LRRTM4: variants seen among roughly 807,000 people sequenced by gnomAD.
The protein encoded by LRRTM4 is leucine rich repeat transmembrane neuronal 4, also known as leucine-rich repeat transmembrane neuronal protein 4.
Under a neutral mutation model 47.6 loss-of-function variants are expected in LRRTM4, and 25 were observed. The ratio of observed to expected loss-of-function variants is 0.53; its 90% CI spans 0.38 to 0.73. LRRTM4 has a LOEUF of 0.73. LRRTM4 is among the 30% of genes least tolerant of loss of function. LRRTM4 has a pLI of 0.00. For synonymous variants in LRRTM4, 311 were observed against 269.5 expected, an observed-to-expected ratio of 1.15 and a Z score of -1.51; for missense variants, 638 against 713.4, an observed-to-expected ratio of 0.89 and a Z score of 1.20.
chr2:77,004,292 A>G (rs1677550029), intron 3 of LRRTM4, among the ~76,000 whole-genome samples: 2 of 152,212 alleles, frequency 1.3e-5, no homozygotes, highest in Non-Finnish European at 2.9e-5. Context: ...GGCTGGGTCC[A>G]GGGACCCCTG....
At chr2:76,973,218 C>T (rs78973785) in intron 3 of LRRTM4, among the ~76,000 whole-genome samples, 19,257 of 151,846 alleles carry the variant, frequency 0.13, 1,738 homozygotes, top group East Asian at 0.41. Flanking sequence ...TAGAATATGA[C>T]TTCTATGATA....
chr2:77,018,990 GA>G (rs1001755404), intron 3 of LRRTM4, among the ~76,000 whole-genome samples: 4 of 151,248 alleles, frequency 2.6e-5, no homozygotes, highest in African/African-American at 9.7e-5. Context: ...AGTTTCTAAA[GA>G]AAAAAAATGA....
At chr2:76,979,761 G>T (rs80124776) in intron 3 of LRRTM4, among the ~76,000 whole-genome samples, 5 of 147,706 alleles carry the variant, frequency 3.4e-5, no homozygotes, top group Admixed American at 1.3e-4. Flanking sequence ...ACTTGAAGAT[G>T]TGAGTATTTG....
chr2:77,047,703 C>T (rs551891501), intron 3 of LRRTM4, among the ~76,000 whole-genome samples: 6 of 152,080 alleles, frequency 3.9e-5, no homozygotes, highest in South Asian at 4.1e-4. Context: ...CATATTACAT[C>T]GGCAATGACT....
chr2:77,467,233 T>G (rs1677016141), intron 3 of LRRTM4, among the ~76,000 whole-genome samples: 3 of 152,230 alleles, frequency 2.0e-5, no homozygotes, highest in Admixed American at 1.3e-4. Context: ...TTGGGCCTGG[T>G]GATCAGCACA....
rs188959380 is a variant in LRRTM4 at position 77,195,468 on chromosome 2, A to T, written c.1551+322850T>A. On this transcript the variant is annotated intron_variant, in intron 3 of 3. Coordinates refer to ENST00000409884, the MANE Select transcript of LRRTM4 (RefSeq NM_001134745.3). Reference sequence around the variant, plus strand: ...TAAACTTTAACAAGTAGGAAAACTTATCACCTACTACAAAGAACTATCTTT... The same window carrying T: ...TAAACTTTAACAAGTAGGAAAACTTTTCACCTACTACAAAGAACTATCTTT... Among the ~76,000 whole-genome samples, 169 of 152,220 alleles carry T rather than the reference A, an allele frequency of 1.1e-3. 2 individuals are homozygous for T. The highest frequency in any genetic ancestry group is 3.2e-3 in the African/African-American group (135 of 41,582).
chr2:77,424,579 T>C (rs569384715), intron 3 of LRRTM4, among the ~76,000 whole-genome samples: 1 of 152,334 alleles, frequency 6.6e-6, no homozygotes, highest in East Asian at 1.9e-4. Flanking sequence ...ATTTTGCAAT[T>C]TGATGTCTTT....
At chr2:77,370,023 T>C (rs1466510522) in intron 3 of LRRTM4, among the ~76,000 whole-genome samples, 2 of 151,796 alleles carry the variant, frequency 1.3e-5, no homozygotes, top group African/African-American at 4.8e-5. Context: ...ATGCACAATA[T>C]GATTTATTTT....
At chr2:77,395,821 T>C (rs1382594736) in intron 3 of LRRTM4, among the ~76,000 whole-genome samples, 1 of 151,986 alleles carries the variant, frequency 6.6e-6, no homozygotes, top group African/African-American at 2.4e-5. Flanking sequence ...TCAGAATATT[T>C]TGATGCTTTC....
intron 3 of LRRTM4, among the ~76,000 whole-genome samples, chr2:77,006,582 A>G (rs1307824041): frequency 2.0e-5 from 3 of 152,198 alleles, no homozygotes; most frequent in Non-Finnish European, 2.9e-5. Context: ...AGGAAGATGT[A>G]TAAGTTGTTG....
rs190667855 is a variant in LRRTM4 at position 77,453,460 on chromosome 2, G to A, written c.1551+64858C>T. ...CTCCCAAAGTGCTGGGATTACAGGCGTGAGCTACAGTGCCCAGACTCTTCT... is the reference window on the plus strand; with the variant it reads ...CTCCCAAAGTGCTGGGATTACAGGCATGAGCTACAGTGCCCAGACTCTTCT... On this transcript the variant is annotated intron_variant, in intron 3 of 3. Coordinates refer to ENST00000409884, the MANE Select transcript of LRRTM4 (RefSeq NM_001134745.3). 2.2e-3 allele frequency among the ~76,000 whole-genome samples: 340 copies of A among 152,164 alleles called. 2 individuals carry two copies. Among genetic ancestry groups the A allele is most frequent in the African/African-American group, 6.3e-3 (260 of 41,534 alleles).
At chr2:77,223,503 C>A (rs1344540072) in intron 3 of LRRTM4, among the ~76,000 whole-genome samples, 3 of 152,130 alleles carry the variant, frequency 2.0e-5, no homozygotes, top group Non-Finnish European at 4.4e-5. Context: ...TAAGCAACTT[C>A]GGCAAAGTCT....
Position 76,926,265 on chromosome 2 carries a change from G to C in LRRTM4, c.1552-177349C>G, listed in dbSNP as rs9309505. Among the ~76,000 whole-genome samples, 644 of 152,070 alleles carry C rather than the reference G, an allele frequency of 4.2e-3. 1 individual carries two copies. The highest frequency in any genetic ancestry group is 0.015 in the African/African-American group (623 of 41,428). Reference sequence around the variant, plus strand: ...TTAAAACATTTACTTTTTAAACATAGAGAAAATAAGACTACAATAAATTGT... The same window carrying C: ...TTAAAACATTTACTTTTTAAACATACAGAAAATAAGACTACAATAAATTGT... On this transcript the variant is annotated intron_variant, in intron 3 of 3. Coordinates refer to ENST00000409884, the MANE Select transcript of LRRTM4 (RefSeq NM_001134745.3).
intron 3 of LRRTM4, among the ~76,000 whole-genome samples, chr2:76,794,139 T>C (rs1288709830): frequency 6.6e-6 from 1 of 151,680 alleles, no homozygotes; most frequent in Admixed American, 6.5e-5. Flanking sequence ...GAATGATTGA[T>C]GAGCAGTTCA....
At chr2:77,014,028 A>G (rs1677966654) in intron 3 of LRRTM4, among the ~76,000 whole-genome samples, 1 of 152,178 alleles carries the variant, frequency 6.6e-6, no homozygotes. Flanking sequence ...ACTAAAGTGA[A>G]TAAATTCTTC....
At chr2:77,297,046 G>A (rs1378869080) in intron 3 of LRRTM4, among the ~76,000 whole-genome samples, 1 of 152,052 alleles carries the variant, frequency 6.6e-6, no homozygotes, top group East Asian at 1.9e-4. Context: ...CCAGTATGCC[G>A]GCATTAGTAA....
At chr2:77,386,493 C>T (rs1673280040) in intron 3 of LRRTM4, among the ~76,000 whole-genome samples, 1 of 152,050 alleles carries the variant, frequency 6.6e-6, no homozygotes, top group Admixed American at 6.6e-5. Context: ...GTGTATGTGC[C>T]ACGTTTTCTT....
intron 3 of LRRTM4, among the ~76,000 whole-genome samples, chr2:76,878,676 C>T (rs776734596): frequency 2.0e-5 from 3 of 151,978 alleles, no homozygotes; most frequent in Admixed American, 6.6e-5. Context: ...CAAGATCAGC[C>T]GGACCAACAT....
In LRRTM4 at chr2:76,748,451, C is replaced by G. The variant is rs950340265; in HGVS notation, c.*244G>C. ...CACTCTTACTATTTACATCCGGGAGCATTTTTGTTTGTTTTATGTTTTAAA... is the reference window on the plus strand; with the variant it reads ...CACTCTTACTATTTACATCCGGGAGGATTTTTGTTTGTTTTATGTTTTAAA... On this transcript the variant is annotated 3_prime_UTR_variant, in exon 4 of 4. Transcript: ENST00000409884. 20 of 527,024 alleles carry G rather than the reference C, an allele frequency of 3.8e-5. No homozygotes were observed. The highest frequency in any genetic ancestry group is 7.6e-5 in the African/African-American group (4 of 52,384). 32.6% of individuals were successfully genotyped at this position (527,024 alleles called of 1,614,324 possible).
Sources: allele counts gnomAD v4.1 joint callset (sites outside exome capture counted in the v4.1 genomes callset), GRCh38; gene constraint gnomAD v4.1.1; transcripts MANE v1.5; gene names NCBI Gene and HGNC (gene_info 2026-07-23, HGNC 2026-07-21).